KANK1: variants seen among roughly 807,000 people sequenced by gnomAD.
KANK1 encodes the protein KN motif and ankyrin repeat domains 1.
In KANK1, 109 loss-of-function variants were observed where a neutral mutation model predicts 106.2. The observed-to-expected ratio is 1.03, with a 90% CI of 0.88 to 1.20. KANK1 has a LOEUF of 1.20. KANK1 is among the 50% of genes most tolerant of loss of function. KANK1 has a pLI of 0.00. For missense variants in KANK1, 2,399 were observed against 1,710.7 expected (o/e 1.40, Z -7.10); for synonymous variants, 873 against 652.2 (o/e 1.34, Z -5.16).
intron 1 of KANK1, among the ~76,000 whole-genome samples, chr9:634,947 G>A (rs540597540): frequency 4.1e-4 from 63 of 152,316 alleles, no homozygotes; most frequent in African/African-American, 1.3e-3. Context: ...GAAGTGCCAG[G>A]CATCACATCT....
chr9:629,625 C>A (rs1366640892), intron 1 of KANK1, among the ~76,000 whole-genome samples: 1 of 152,152 alleles, frequency 6.6e-6, no homozygotes, highest in Non-Finnish European at 1.5e-5. Context: ...GTCTCTGAAG[C>A]AGAAACAAAT....
Position 713,361 on chromosome 9 carries a change from G to C in KANK1, c.2595G>C (p.Gln865His). The change falls in exon 3 of 12, where the codon CAG (glutamine) becomes CAC (histidine). Residue 865 changes from glutamine to histidine, a missense_variant. Gln to His is a conservative substitution (Grantham distance 24, BLOSUM62 0). Transcript: ENST00000382297. ...PHSQMGSLNS[Q>H]LISTLSSINS... ...CACAGATGGGCTCCCTCAACTCTCA[G>C]CTCATCAGCACCCTGTCGTCTATCA... 1.2e-6 allele frequency: 2 copies of C among 1,614,184 alleles called. No homozygotes were observed. Among genetic ancestry groups the C allele is most frequent in the Non-Finnish European group, 1.7e-6 (2 of 1,180,032 alleles).
chr9:726,061 T>A (rs1830558789), intron 3 of KANK1, among the ~76,000 whole-genome samples: 1 of 152,206 alleles, frequency 6.6e-6, no homozygotes, highest in Non-Finnish European at 1.5e-5. Flanking sequence ...TTCCATGATT[T>A]TTCTAATACA....
chr9:656,336 C>T (rs1298900262), intron 1 of KANK1, among the ~76,000 whole-genome samples: 1 of 152,150 alleles, frequency 6.6e-6, no homozygotes, highest in Non-Finnish European at 1.5e-5. Context: ...TCTGTTTCCC[C>T]TGGCTTGTTG....
In KANK1 at chr9:535,381, A is replaced by G. The variant is rs72707746; in HGVS notation, c.-84+30627A>G. On this transcript the variant is annotated intron_variant, in intron 1 of 11. Coordinates refer to ENST00000382297, the MANE Select transcript of KANK1 (RefSeq NM_015158.5). The stretch of plus-strand genomic sequence containing the variant: ...CGGGGGCTTTCCTGTGGGAGAAAGG[A>G]AGGATCTATTCCTGCCCACACTTCT... 6.7e-3 allele frequency among the ~76,000 whole-genome samples: 1,024 copies of G among 152,260 alleles called. 14 individuals are homozygous for G. The highest frequency in any genetic ancestry group is 0.023 in the African/African-American group (938 of 41,552).
In KANK1 at chr9:711,655, G is replaced by C. The variant is rs781171916; in HGVS notation, c.889G>C (p.Glu297Gln). Reference protein sequence around the residue: ...LQVKISVLQEEKRQLVSQLKN... With the variant: ...LQVKISVLQEQKRQLVSQLKN... ...GGTAAAGATCTCTGTCTTGCAAGAA[G>C]AGAAAAGGCAGTTGGTCTCACAGCT... The change falls in exon 3 of 12, where the codon GAG becomes CAG. Residue 297 changes from glutamate to glutamine, a missense_variant. Physicochemically the swap from Glu to Gln is conservative, Grantham distance 29 (BLOSUM62 2). Transcript: ENST00000382297. 1 of 1,614,084 alleles carries C rather than the reference G, an allele frequency of 6.2e-7. No homozygotes were observed. The highest frequency in any genetic ancestry group is 8.5e-7 in the Non-Finnish European group (1 of 1,180,058).
At position 702,196 on chromosome 9, in the gene KANK1, C is replaced by T. The variant is rs530622396; in HGVS notation, c.38-8608C>T. ...TTGGGAGCGAGAGGGAGGAAATGGA[C>T]TCTGTGACCCTTGGTGTCTAGGAGT... On this transcript the variant is annotated intron_variant, in intron 2 of 11. Transcript: ENST00000382297. Among the ~76,000 whole-genome samples, 3 of 147,500 alleles carry T rather than the reference C, an allele frequency of 2.0e-5. No individual in the cohort carries two copies. The East Asian group carries it at 5.8e-4, about 28-fold the overall frequency.
chr9:508,195 T>C lies in KANK1; in HGVS notation c.-84+3441T>C, dbSNP rs556799837. ...TTCTTGTTGCCCAGGCTGGAGTGCA[T>C]TGGGGTGATCTCAGCTCACTGCAAC... On this transcript the variant is annotated intron_variant, in intron 1 of 11. Coordinates refer to ENST00000382297, the MANE Select transcript of KANK1 (RefSeq NM_015158.5). 6.4e-5 allele frequency among the ~76,000 whole-genome samples: 9 copies of C among 139,864 alleles called. No individual in the cohort carries two copies. The South Asian group carries it at 1.9e-3, about 29-fold the overall frequency. 91.8% of individuals were successfully genotyped at this position (139,864 alleles called of 152,430 possible).
chr9:690,594 T>A (rs1819681806), intron 2 of KANK1, among the ~76,000 whole-genome samples: 1 of 151,890 alleles, frequency 6.6e-6, no homozygotes, highest in South Asian at 2.1e-4. Flanking sequence ...CAGGGAACAT[T>A]GGGGGAGGAA....
At chr9:497,894 G>GAA (rs1488890195) in intron 3 of KANK1, among the ~76,000 whole-genome samples, 4 of 152,020 alleles carry the variant, frequency 2.6e-5, no homozygotes, top group Admixed American at 6.6e-5. Flanking sequence ...AGAGTATAAA[G>GAA]AAGAAAATTA....
chr9:629,047 C>G (rs995430292), intron 1 of KANK1, among the ~76,000 whole-genome samples: 1 of 149,232 alleles, frequency 6.7e-6, no homozygotes, highest in Non-Finnish European at 1.5e-5. Context: ...CCACCGCACT[C>G]CAGCCTGGGC....
In KANK1 at chr9:635,694, CTTTTTTTTTTT is replaced by C. The variant is rs1162836319; in HGVS notation, c.-83-41184_-83-41174del. On this transcript the variant is annotated intron_variant, in intron 1 of 11. Coordinates refer to ENST00000382297, the MANE Select transcript of KANK1 (RefSeq NM_015158.5). ...CCATTTACCCACATTCCTTTTTATT[CTTTTTTTTTTT>C]TTTTTTTTTTTGAGACGGAGTCTTA... 2.9e-5 allele frequency among the ~76,000 whole-genome samples: 3 copies of C among 103,364 alleles called. No individual in the cohort carries two copies. The East Asian group carries it at 9.0e-4, about 31-fold the overall frequency. 67.8% of individuals were successfully genotyped at this position (103,364 alleles called of 152,430 possible).
chr9:724,979 C>A (rs781357006), intron 3 of KANK1, among the ~76,000 whole-genome samples: 4 of 152,122 alleles, frequency 2.6e-5, no homozygotes, highest in Non-Finnish European at 5.9e-5. Flanking sequence ...TTCATATTTG[C>A]AGTTAGGGGA....
intron 2 of KANK1, among the ~76,000 whole-genome samples, chr9:681,285 G>A (rs1226389749): frequency 6.6e-6 from 1 of 152,146 alleles, no homozygotes; most frequent in Non-Finnish European, 1.5e-5. Context: ...TTTTGTTAAG[G>A]AGGTAAGAGC....
chr9:738,144 C>G, intron 7 of KANK1, 141 bp from the exon 8 acceptor site: 2 of 662,018 alleles, frequency 3.0e-6, no homozygotes, highest in Non-Finnish European at 2.6e-6. Context: ...TGAAGCTTCT[C>G]TTAGGGCTGT....
chr9:562,113 C>T (rs1344349742), intron 1 of KANK1, among the ~76,000 whole-genome samples: 4 of 129,346 alleles, frequency 3.1e-5, no homozygotes, highest in Non-Finnish European at 6.2e-5. Context: ...ACTGCAGTGG[C>T]GCAATCTCGG....
At chr9:620,029 A>G (rs751386756) in intron 1 of KANK1, among the ~76,000 whole-genome samples, 3 of 152,038 alleles carry the variant, frequency 2.0e-5, no homozygotes, top group African/African-American at 4.8e-5. Flanking sequence ...CCCAGCTGCT[A>G]GGGAGGCTGA....
intron 1 of KANK1, among the ~76,000 whole-genome samples, chr9:514,885 A>G: frequency 6.6e-6 from 1 of 151,780 alleles, no homozygotes; most frequent in East Asian, 1.9e-4. Flanking sequence ...TATTCCCAGC[A>G]GTGGTGTATG....
At chr9:508,196 T>TG (rs1007656917) in intron 1 of KANK1, among the ~76,000 whole-genome samples, 1 of 135,696 alleles carries the variant, frequency 7.4e-6, no homozygotes, top group African/African-American at 2.8e-5. Context: ...TGGAGTGCAT[T>TG]GGGGTGATCT....
Sources: gnomAD v4.1 joint callset for allele counts (sites outside exome capture counted in the v4.1 genomes callset) on GRCh38, gnomAD v4.1.1 for gene constraint, MANE v1.5 for transcripts, NCBI Gene and HGNC (gene_info 2026-07-23, HGNC 2026-07-21) for gene names.